The following SYNRG variants were observed in gnomAD, a reference collection of about 807,000 sequenced individuals.
SYNRG encodes synergin gamma.
SYNRG carries 37 observed loss-of-function variants against 130.9 expected under a neutral mutation model. The ratio of observed to expected loss-of-function variants is 0.28; its 90% CI spans 0.22 to 0.37. The LOEUF (loss-of-function observed/expected upper bound fraction) is 0.37. Ranked by LOEUF, SYNRG falls within the 10% of genes least tolerant of loss-of-function variation. The pLI is 1.00. For synonymous variants in SYNRG, 539 were observed against 568.1 expected, an observed-to-expected ratio of 0.95 and a Z score of 0.73; for missense variants, 1,338 against 1,588.9, an observed-to-expected ratio of 0.84 and a Z score of 2.68.
chr17:37,529,734 T>A, intron 19 of SYNRG: 3 of 1,528,654 alleles, frequency 2.0e-6, no homozygotes, highest in Non-Finnish European at 2.7e-6. Flanking sequence ...CCACTTATCC[T>A]TTCCCCCAAA....
At chr17:37,570,523 G>T in intron 10 of SYNRG, 114 bp downstream of exon 10, 1 of 1,351,660 alleles carries the variant, frequency 7.4e-7, no homozygotes, top group African/African-American at 1.5e-5. Flanking sequence ...TACAACCTAA[G>T]AATTTAAATG....
intron 4 of SYNRG, 81 bp from the exon 5 acceptor site, chr17:37,585,511 G>T: frequency 1.0e-6 from 1 of 958,544 alleles, no homozygotes. Flanking sequence ...AACAGTTTCA[G>T]CAATATCATG....
Position 37,561,231 on chromosome 17 carries a change from T to C in SYNRG, c.1627A>G (p.Arg543Gly). The C allele has an allele frequency of 6.2e-7, 1 of 1,613,924 alleles. No individual in the cohort carries two copies. ...TTCTCTGCTGTCTGTTCAAGTTCTC[T>C]GAAAGCACTATATTTATCACCAGGA... ...GDPGDKYSAF[R>G]ELEQTAENKP... The change falls in exon 13 of 22, where the codon AGA becomes GGA. Residue 543 changes from arginine (R) to glycine (G), a missense_variant. Coordinates refer to ENST00000612223, the MANE Select transcript of SYNRG (RefSeq NM_007247.6).
intron 1 of SYNRG, chr17:37,606,065 T>C: frequency 1.1e-6 from 1 of 944,674 alleles, no homozygotes; most frequent in South Asian, 4.9e-5. Flanking sequence ...AACTATGAAA[T>C]GATTTCCCTG....
chr17:37,531,870 T>G (rs2056666281), intron 19 of SYNRG, among the ~76,000 whole-genome samples: 1 of 152,182 alleles, frequency 6.6e-6, no homozygotes, highest in Non-Finnish European at 1.5e-5. Flanking sequence ...GTAGTAACAC[T>G]TCTGTGTCAT....
At chr17:37,588,361 A>G (rs1361852900) in intron 3 of SYNRG, among the ~76,000 whole-genome samples, 2 of 150,136 alleles carry the variant, frequency 1.3e-5, no homozygotes, top group African/African-American at 4.9e-5. Flanking sequence ...CTCCCGGGCT[A>G]AAGTGATTCT....
chr17:37,549,378 C>T (rs995347966), intron 14 of SYNRG, among the ~76,000 whole-genome samples: 4 of 152,048 alleles, frequency 2.6e-5, no homozygotes, highest in African/African-American at 4.8e-5. Context: ...GTTTGGCCTA[C>T]GCTTGTTGCC....
intron 19 of SYNRG, among the ~76,000 whole-genome samples, chr17:37,524,655 G>A (rs141756457): frequency 3.3e-5 from 5 of 152,320 alleles, no homozygotes; most frequent in African/African-American, 9.6e-5. Flanking sequence ...TGGTGCTAAC[G>A]CTTGTTCTGC....
At chr17:37,561,409 C>A in intron 12 of SYNRG, 62 bp downstream of exon 12, 1 of 1,485,454 alleles carries the variant, frequency 6.7e-7, no homozygotes. Context: ...CTTAAAGATT[C>A]ATACAATTTA....
intron 6 of SYNRG, among the ~76,000 whole-genome samples, chr17:37,579,935 G>C (rs1181469429): frequency 6.6e-6 from 1 of 151,766 alleles, no homozygotes; most frequent in Non-Finnish European, 1.5e-5. Flanking sequence ...GCCCAAGCTG[G>C]TCTCGAGCTC....
At chr17:37,524,874 T>C (rs933765182) in intron 19 of SYNRG, among the ~76,000 whole-genome samples, 1 of 152,224 alleles carries the variant, frequency 6.6e-6, no homozygotes, top group Non-Finnish European at 1.5e-5. Context: ...CAGATAGTCA[T>C]CATGTTACTG....
chr17:37,566,578 G>C (rs2145859600), intron 11 of SYNRG, among the ~76,000 whole-genome samples: 1 of 148,244 alleles, frequency 6.7e-6, no homozygotes, highest in South Asian at 2.2e-4. Flanking sequence ...CTCCACTATT[G>C]TCCCATGACC....
chr17:37,597,576 C>G (rs555149957), intron 2 of SYNRG, among the ~76,000 whole-genome samples: 1 of 152,174 alleles, frequency 6.6e-6, no homozygotes, highest in Admixed American at 6.6e-5. Context: ...TATTCTTCTT[C>G]CTTTTTCTTA....
At chr17:37,580,983 T>G (rs1399010990) in intron 6 of SYNRG, among the ~76,000 whole-genome samples, 1 of 152,068 alleles carries the variant, frequency 6.6e-6, no homozygotes, top group Non-Finnish European at 1.5e-5. Context: ...ACAAGAACAT[T>G]AAACACATTA....
intron 3 of SYNRG, among the ~76,000 whole-genome samples, chr17:37,589,877 T>C (rs1365090040): frequency 6.6e-6 from 1 of 151,694 alleles, no homozygotes; most frequent in Non-Finnish European, 1.5e-5. Flanking sequence ...AGAGACTTAA[T>C]TTGAAAAGAC....
intron 10 of SYNRG, among the ~76,000 whole-genome samples, chr17:37,569,451 T>C (rs974854056): frequency 1.7e-5 from 2 of 117,088 alleles, no homozygotes; most frequent in Admixed American, 1.9e-4. Flanking sequence ...ATTTGTAAAA[T>C]AGCTGAATGA....
intron 14 of SYNRG, among the ~76,000 whole-genome samples, chr17:37,550,912 A>G (rs72830408): frequency 0.029 from 4,409 of 152,308 alleles, 84 homozygotes; most frequent in Middle Eastern, 0.061. Context: ...GTCAGGGGGA[A>G]AAAACAGCCT....
intron 1 of SYNRG, among the ~76,000 whole-genome samples, chr17:37,602,011 G>A (rs1164909765): frequency 1.3e-5 from 2 of 151,310 alleles, no homozygotes; most frequent in African/African-American, 2.4e-5. Context: ...GTGAGATTCC[G>A]TCTCAAATAA....
intron 1 of SYNRG, among the ~76,000 whole-genome samples, chr17:37,605,521 G>A (rs1218297509): frequency 6.6e-6 from 1 of 152,118 alleles, no homozygotes; most frequent in Non-Finnish European, 1.5e-5. Context: ...GATGTATAAA[G>A]GTTACTTTGA....
Sources: gnomAD v4.1 joint callset for allele counts (sites outside exome capture counted in the v4.1 genomes callset) on GRCh38, gnomAD v4.1.1 for gene constraint, MANE v1.5 for transcripts, NCBI Gene and HGNC (gene_info 2026-07-23, HGNC 2026-07-21) for gene names.